The following CMTM8 variants were observed in gnomAD, a reference collection of about 807,000 sequenced individuals.
The protein encoded by CMTM8 is CKLF like MARVEL transmembrane domain containing 8, also known as CKLF-like MARVEL transmembrane domain-containing protein 8.
A neutral mutation model predicts 18.6 loss-of-function variants in CMTM8; 12 were observed. The ratio of observed to expected loss-of-function variants is 0.65; its 90% CI spans 0.41 to 1.05. The LOEUF (loss-of-function observed/expected upper bound fraction) is 1.05. Ranked by LOEUF, CMTM8 falls within the 50% of genes least tolerant of loss-of-function variation. CMTM8 has a pLI of 0.00. For missense variants in CMTM8, 217 were observed against 227.2 expected (o/e 0.95, Z 0.29); for synonymous variants, 87 against 90.6 (o/e 0.96, Z 0.23).
At chr3:32,283,152 G>T (rs1002341226) in intron 1 of CMTM8, among the ~76,000 whole-genome samples, 1 of 152,104 alleles carries the variant, frequency 6.6e-6, no homozygotes, top group Non-Finnish European at 1.5e-5. Context: ...TTTCATACAG[G>T]GGGAGGAAAT....
intron 1 of CMTM8, among the ~76,000 whole-genome samples, chr3:32,319,423 C>T (rs1472507403): frequency 6.6e-6 from 1 of 151,846 alleles, no homozygotes; most frequent in African/African-American, 2.4e-5. Flanking sequence ...TCTCCTCCTC[C>T]TCCTCCCCTC....
intron 1 of CMTM8, among the ~76,000 whole-genome samples, chr3:32,339,890 G>A (rs1279649447): frequency 2.0e-5 from 3 of 152,164 alleles, no homozygotes; most frequent in Admixed American, 2.0e-4. Context: ...GTGAACCCGG[G>A]AGGCAGAGCT....
chr3:32,252,787 A>G (rs1159238101), intron 1 of CMTM8, among the ~76,000 whole-genome samples: 1 of 152,168 alleles, frequency 6.6e-6, no homozygotes. Context: ...CCATTATTGC[A>G]TAGGCTAAGA....
intron 1 of CMTM8, among the ~76,000 whole-genome samples, chr3:32,283,327 G>A (rs1045003809): frequency 3.9e-5 from 6 of 152,122 alleles, no homozygotes; most frequent in Non-Finnish European, 7.3e-5. Flanking sequence ...ATGTTATAAC[G>A]TGTCATACAG....
intron 1 of CMTM8, among the ~76,000 whole-genome samples, chr3:32,326,467 G>A (rs142699981): frequency 7.9e-5 from 12 of 151,618 alleles, no homozygotes; most frequent in Non-Finnish European, 1.3e-4. Context: ...GCCTCATCCC[G>A]GCCTGGAGTA....
intron 1 of CMTM8, among the ~76,000 whole-genome samples, chr3:32,253,114 C>T (rs1015183637): frequency 6.6e-6 from 1 of 152,094 alleles, no homozygotes; most frequent in Admixed American, 6.5e-5. Flanking sequence ...TTGAATTATT[C>T]TTGTACTCTT....
At chr3:32,283,361 A>G (rs1702633681) in intron 1 of CMTM8, among the ~76,000 whole-genome samples, 2 of 152,182 alleles carry the variant, frequency 1.3e-5, no homozygotes, top group African/African-American at 4.8e-5. Context: ...ATTGGCTCCA[A>G]TTGGGGGAAG....
At chr3:32,368,085 C>CT in intron 3 of CMTM8, 97 bp downstream of exon 3, 2 of 829,502 alleles carry the variant, frequency 2.4e-6, no homozygotes, top group Non-Finnish European at 2.0e-6. Flanking sequence ...AAAAGCAGCG[C>CT]TTGCAGTAGT....
At chr3:32,311,690 TC>T (rs778981119) in intron 1 of CMTM8, among the ~76,000 whole-genome samples, 1 of 152,108 alleles carries the variant, frequency 6.6e-6, no homozygotes, top group Admixed American at 6.6e-5. Context: ...TAGTTCTTTT[TC>T]CCCCCACACC....
intron 1 of CMTM8, among the ~76,000 whole-genome samples, chr3:32,350,848 G>A (rs529025609): frequency 1.4e-4 from 21 of 151,816 alleles, no homozygotes; most frequent in East Asian, 3.9e-4. Flanking sequence ...TAGTAGAGGC[G>A]GGGTTTCACC....
At chr3:32,240,669 A>G (rs922688246) in intron 1 of CMTM8, among the ~76,000 whole-genome samples, 1 of 152,228 alleles carries the variant, frequency 6.6e-6, no homozygotes, top group Non-Finnish European at 1.5e-5. Context: ...ACATGTTAGC[A>G]TGTATCCTTT....
chr3:32,339,882 G>A (rs998923309), intron 1 of CMTM8, among the ~76,000 whole-genome samples: 13 of 152,142 alleles, frequency 8.5e-5, no homozygotes, highest in Non-Finnish European at 1.3e-4. Context: ...AGAATGGCGT[G>A]AACCCGGGAG....
At chr3:32,305,040 A>T (rs1257990933) in intron 1 of CMTM8, among the ~76,000 whole-genome samples, 2 of 152,182 alleles carry the variant, frequency 1.3e-5, no homozygotes, top group African/African-American at 2.4e-5. Flanking sequence ...TTGGCAATCT[A>T]AATCTCCCTT....
chr3:32,253,872 C>T (rs991624789), intron 1 of CMTM8, among the ~76,000 whole-genome samples: 1 of 150,738 alleles, frequency 6.6e-6, no homozygotes, highest in Admixed American at 6.6e-5. Flanking sequence ...ACTAATGTGC[C>T]CAGCTTGTCC....
At chr3:32,276,786 C>T (rs1006059041) in intron 1 of CMTM8, among the ~76,000 whole-genome samples, 3 of 152,158 alleles carry the variant, frequency 2.0e-5, no homozygotes, top group Non-Finnish European at 4.4e-5. Context: ...TCTGGATGAA[C>T]TTGTTTGGTG....
At chr3:32,280,864 A>T (rs1702598422) in intron 1 of CMTM8, among the ~76,000 whole-genome samples, 1 of 146,726 alleles carries the variant, frequency 6.8e-6, no homozygotes, top group African/African-American at 2.5e-5. Flanking sequence ...AAAAAAAAAA[A>T]AAAAAAGTGA....
Position 32,370,068 on chromosome 3 carries a change from T to C in CMTM8, c.*101T>C, listed in dbSNP as rs1165994308. On this transcript the variant is annotated 3_prime_UTR_variant, in exon 4 of 4. Coordinates refer to ENST00000307526, the MANE Select transcript of CMTM8 (RefSeq NM_178868.5). ...TTCCCAGAGAATTGTATTTAACTAA[T>C]TAATGTTTTTTATATTCTTAAATTT... 1.8e-5 allele frequency: 11 copies of C among 600,576 alleles called. No homozygotes were observed. Among genetic ancestry groups the C allele is most frequent in the Non-Finnish European group, 2.5e-5 (9 of 360,042 alleles). 37.2% of individuals were successfully genotyped at this position (600,576 alleles called of 1,614,324 possible).
intron 1 of CMTM8, chr3:32,260,014 G>A (rs1702234715): frequency 8.8e-7 from 1 of 1,130,272 alleles, no homozygotes; most frequent in South Asian, 1.3e-5. Context: ...GACAGCACCA[G>A]GCCCAGGAGT....
chr3:32,319,081 T>A (rs1294380132), intron 1 of CMTM8, among the ~76,000 whole-genome samples: 6 of 106,790 alleles, frequency 5.6e-5, no homozygotes, highest in African/African-American at 1.9e-4. Flanking sequence ...TATATTTTTT[T>A]TTTTTTTTTT....
Sources: gnomAD v4.1 joint callset for allele counts (sites outside exome capture counted in the v4.1 genomes callset) on GRCh38, gnomAD v4.1.1 for gene constraint, MANE v1.5 for transcripts, NCBI Gene and HGNC (gene_info 2026-07-23, HGNC 2026-07-21) for gene names.